PSME1: variants seen among roughly 807,000 people sequenced by gnomAD.
The protein encoded by PSME1 is proteasome activator subunit 1.
PSME1 carries 15 observed loss-of-function variants against 38.4 expected under a neutral mutation model. That is an observed-to-expected ratio of 0.39 (90% CI 0.26 to 0.60). The LOEUF (loss-of-function observed/expected upper bound fraction) is 0.60. Among genes scored for constraint, PSME1 ranks in the 20% least tolerant of loss-of-function variants. The pLI, the probability that PSME1 is intolerant of heterozygous loss-of-function variation, is 0.53. For synonymous variants in PSME1, 106 were observed against 106.8 expected, an observed-to-expected ratio of 0.99 and a Z score of 0.05; for missense variants, 249 against 305.6, an observed-to-expected ratio of 0.81 and a Z score of 1.38.
At chr14:24,137,965 G>A in intron 6 of PSME1, 84 bp from the exon 7 acceptor site, 2 of 1,538,892 alleles carry the variant, frequency 1.3e-6, no homozygotes, top group Non-Finnish European at 1.8e-6. Flanking sequence ...CCTCCACCCA[G>A]TGTGGGGAGG....
chr14:24,137,553 G>T lies in PSME1; in HGVS notation c.280G>T (p.Asp94Tyr). Residue 94 changes from aspartate (D) to tyrosine (Y), a missense_variant, in exon 5 of 11, where the codon GAT (aspartate) becomes TAT (tyrosine). Asp to Tyr is a radical substitution (Grantham distance 160, BLOSUM62 -3). Coordinates refer to ENST00000206451, the MANE Select transcript of PSME1 (RefSeq NM_006263.4). ...EDKDEKKKGE[D>Y]EDKGPPCGPV... ...CAAGGATGAAAAGAAGAAGGGGGAG[G>T]ATGAAGACAAAGGTACTTGAAACCA... is the stretch of plus-strand genomic sequence containing the variant. 1.2e-6 allele frequency: 2 copies of T among 1,614,164 alleles called. No homozygotes were observed. Among genetic ancestry groups the T allele is most frequent in the Non-Finnish European group, 1.7e-6 (2 of 1,180,034 alleles).
In PSME1 at chr14:24,136,447, G is replaced by A; in HGVS notation, c.39+146G>A. 1 of 765,082 alleles carries A rather than the reference G, an allele frequency of 1.3e-6. No individual in the cohort carries two copies. The highest frequency in any genetic ancestry group is 1.9e-6 in the Non-Finnish European group (1 of 525,510). 47.4% of individuals were successfully genotyped at this position (765,082 alleles called of 1,614,324 possible). Reference sequence around the variant, plus strand: ...GCCCGGAGCACCTGCGCCCCGGGGAGGGCGGCGACTGCTGCCTGCGGGGAG... The same window carrying A: ...GCCCGGAGCACCTGCGCCCCGGGGAAGGCGGCGACTGCTGCCTGCGGGGAG... On this transcript the variant is annotated intron_variant, in intron 1 of 10. Coordinates refer to ENST00000206451, the MANE Select transcript of PSME1 (RefSeq NM_006263.4). The surrounding 1 kb of genome is among the most constrained non-coding windows in gnomAD (Gnocchi z 4.8).
rs777160402 is a variant in PSME1 at position 24,137,673 on chromosome 14, G to A, written c.293-27G>A. ...TCGCCCCTCACACAGGCTCAATCAT[G>A]TGACTGACCCATTGCTCACTCTCTA... On this transcript the variant is annotated intron_variant, in intron 5 of 10. Transcript: ENST00000206451. 3 of 1,610,474 alleles carry A rather than the reference G, an allele frequency of 1.9e-6. No homozygotes were observed. In the Admixed American group the frequency reaches 5.0e-5, roughly 27 times the overall value.
intron 7 of PSME1, 36 bp from the exon 8 acceptor site, chr14:24,138,160 C>T (rs2037947360): frequency 1.9e-6 from 3 of 1,608,606 alleles, no homozygotes; most frequent in Admixed American, 1.7e-5. Flanking sequence ...CTAGTCCATG[C>T]TTCCTTCCAC....
chr14:24,137,823 G>A (rs575164859), intron 6 of PSME1, 26 bp downstream of exon 6: 1 of 1,606,382 alleles, frequency 6.2e-7, no homozygotes, highest in South Asian at 1.1e-5. Flanking sequence ...TAAACTCTCA[G>A]GCTTCAAGTC....
In PSME1 at chr14:24,137,334, A is replaced by G. The variant is rs117249501; in HGVS notation, c.149A>G (p.Asn50Ser). The G allele has an allele frequency of 2.1e-3, 3,353 of 1,614,064 alleles. 5 individuals carry two copies. The highest frequency in any genetic ancestry group is 3.3e-3 in the Middle Eastern group (20 of 6,062). Residue 50 changes from asparagine (N) to serine (S), a missense_variant, in exon 4 of 11, where the codon AAT becomes AGT. Asn to Ser is a conservative substitution (Grantham distance 46). Transcript: ENST00000206451. The stretch of plus-strand genomic sequence containing the variant: ...ACCCTACACCAGGAGCCAGCTCTCA[A>G]TGAAGCCAACTTGAGCAATCTGAAG... ...LDAFLKEPAL[N>S]EANLSNLKAP...
At position 24,138,737 on chromosome 14, in the gene PSME1, C is replaced by G; in HGVS notation, c.671C>G (p.Ala224Gly). The change falls in exon 11 of 11, where the codon GCT (alanine) becomes GGT (glycine). Residue 224 changes from alanine to glycine, a missense_variant and splice_region_variant. By Grantham distance (60) the Ala-to-Gly change is moderately conservative (BLOSUM62 0). Transcript: ENST00000206451. ...GACCTCTACTCCCTGGCCCTGTAGGCTGTGTTATATGACATCATCCTGAAG... is the reference window on the plus strand; with the variant it reads ...GACCTCTACTCCCTGGCCCTGTAGGGTGTGTTATATGACATCATCCTGAAG... ...LMVMEIRNAY[A>G]VLYDIILKNF... is the part of the protein sequence containing the mutation. 3.1e-6 allele frequency: 5 copies of G among 1,614,132 alleles called. No homozygotes were observed. The highest frequency in any genetic ancestry group is 4.2e-6 in the Non-Finnish European group (5 of 1,180,008).
chr14:24,137,315 C>A lies in PSME1; in HGVS notation c.136-6C>A. The A allele has an allele frequency of 6.2e-7, 1 of 1,613,898 alleles. No individual in the cohort carries two copies. The highest frequency in any genetic ancestry group is 1.1e-5 in the South Asian group (1 of 91,070). ...CACCTCCAGCCCTCCTCCCACCCTA[C>A]ACCAGGAGCCAGCTCTCAATGAAGC... On this transcript the variant is annotated splice_region_variant and splice_polypyrimidine_tract_variant and intron_variant, in intron 3 of 10. Transcript: ENST00000206451.
intron 6 of PSME1, 21 bp downstream of exon 6, chr14:24,137,818 T>C: frequency 6.2e-7 from 1 of 1,608,428 alleles, no homozygotes; most frequent in Non-Finnish European, 8.5e-7. Flanking sequence ...CCCCTTAAAC[T>C]CTCAGGCTTC....
Position 24,137,315 on chromosome 14 carries a change from C to T in PSME1, c.136-6C>T. 6.2e-7 allele frequency: 1 copy of T among 1,613,898 alleles called. No homozygotes were observed. Among genetic ancestry groups the T allele is most frequent in the South Asian group, 1.1e-5 (1 of 91,070 alleles). On this transcript the variant is annotated splice_region_variant and splice_polypyrimidine_tract_variant and intron_variant, in intron 3 of 10. Coordinates refer to ENST00000206451, the MANE Select transcript of PSME1 (RefSeq NM_006263.4). ...CACCTCCAGCCCTCCTCCCACCCTA[C>T]ACCAGGAGCCAGCTCTCAATGAAGC...
At position 24,137,172 on chromosome 14, in the gene PSME1, C is replaced by G; in HGVS notation, c.102C>G (p.Pro34=). The change falls in exon 3 of 11, where the codon CCC becomes CCG. Residue 34 remains proline (P), a synonymous_variant. Coordinates refer to ENST00000206451, the MANE Select transcript of PSME1 (RefSeq NM_006263.4). The part of the protein sequence containing the change: ...KTENLLGSYF[P]KKISELDAFL... ...AGAACCTGCTCGGGAGCTATTTCCCCAAGAAGATTTCTGAGCTGGATGCAT... is the reference window on the plus strand; with the variant it reads ...AGAACCTGCTCGGGAGCTATTTCCCGAAGAAGATTTCTGAGCTGGATGCAT... 6.2e-7 allele frequency: 1 copy of G among 1,614,194 alleles called. No homozygotes were observed. The highest frequency in any genetic ancestry group is 8.5e-7 in the Non-Finnish European group (1 of 1,180,034).
In PSME1 at chr14:24,137,151, C is replaced by A; in HGVS notation, c.81C>A (p.Asn27Lys). The A allele has an allele frequency of 6.2e-7, 1 of 1,614,180 alleles. No homozygotes were observed. The highest frequency in any genetic ancestry group is 8.5e-7 in the Non-Finnish European group (1 of 1,180,010). ...CCCCACCTCACACACAGACAGAGAACCTGCTCGGGAGCTATTTCCCCAAGA... is the reference window on the plus strand; with the variant it reads ...CCCCACCTCACACACAGACAGAGAAACTGCTCGGGAGCTATTTCCCCAAGA... Reference protein sequence around the residue: ...FREDLCTKTENLLGSYFPKKI... With the variant: ...FREDLCTKTEKLLGSYFPKKI... Residue 27 changes from asparagine to lysine, a missense_variant, in exon 3 of 11, where the codon AAC becomes AAA. Physicochemically the swap from Asn to Lys is moderately conservative, Grantham distance 94 (BLOSUM62 0). Transcript: ENST00000206451.
At position 24,138,278 on chromosome 14, in the gene PSME1, A is replaced by T; in HGVS notation, c.527+15A>T. 6.2e-7 allele frequency: 1 copy of T among 1,613,680 alleles called. No homozygotes were observed. The highest frequency in any genetic ancestry group is 8.5e-7 in the Non-Finnish European group (1 of 1,179,638). On this transcript the variant is annotated intron_variant, in intron 8 of 10. Transcript: ENST00000206451. ...CAAATCTCTAAGTGAGTGACCACCCATGTGCACACTGTTTTTGTTTTGGGA... is the reference window on the plus strand; with the variant it reads ...CAAATCTCTAAGTGAGTGACCACCCTTGTGCACACTGTTTTTGTTTTGGGA...
rs2037908097 is a variant in PSME1, at chr14:24,136,710, G to T, written c.40-275G>T. Among the ~76,000 whole-genome samples the T allele has an allele frequency of 6.6e-6, 1 of 151,782 alleles. No individual in the cohort carries two copies. Among genetic ancestry groups the T allele is most frequent in the African/African-American group, 2.4e-5 (1 of 41,308 alleles). On this transcript the variant is annotated intron_variant, in intron 1 of 10. Coordinates refer to ENST00000206451, the MANE Select transcript of PSME1 (RefSeq NM_006263.4). This position sits in a 1 kb window ranked among gnomAD's most constrained non-coding sequence, Gnocchi z 4.8. ...CGACCCCAGAGATCTGTTCTCACGT[G>T]AACACTGGCCCTTCACCGCCAGGAA...
rs537153979 is a variant in PSME1 at position 24,136,925 on chromosome 14, C to T, written c.40-60C>T. On this transcript the variant is annotated intron_variant, in intron 1 of 10. Coordinates refer to ENST00000206451, the MANE Select transcript of PSME1 (RefSeq NM_006263.4). The surrounding 1 kb of genome is among the most constrained non-coding windows in gnomAD (Gnocchi z 4.8). ...CAGGCCCTACATAACCCTAAGGGAA[C>T]TGTCCTCAAATGAACTGGCCTTAAA... 18 of 1,606,212 alleles carry T rather than the reference C, an allele frequency of 1.1e-5. No homozygotes were observed. In the East Asian group the frequency reaches 3.6e-4, roughly 32 times the overall value.
Position 24,137,693 on chromosome 14 carries a change from T to C in PSME1, c.293-7T>C. The C allele has an allele frequency of 6.2e-7, 1 of 1,613,876 alleles. No individual in the cohort carries two copies. The highest frequency in any genetic ancestry group is 8.5e-7 in the Non-Finnish European group (1 of 1,179,748). On this transcript the variant is annotated splice_polypyrimidine_tract_variant and splice_region_variant and intron_variant, in intron 5 of 10. Coordinates refer to ENST00000206451, the MANE Select transcript of PSME1 (RefSeq NM_006263.4). ...ATCATGTGACTGACCCATTGCTCAC[T>C]CTCTAGGTCCTCCCTGTGGCCCAGT...
intron 7 of PSME1, 38 bp from the exon 8 acceptor site, chr14:24,138,158 T>C (rs2037947297): frequency 6.2e-7 from 1 of 1,614,088 alleles, no homozygotes; most frequent in East Asian, 2.2e-5. Context: ...TTCTAGTCCA[T>C]GCTTCCTTCC....
At chr14:24,138,439 C>T (rs1348858299) in intron 9 of PSME1, 35 bp from the exon 10 acceptor site, 11 of 1,614,160 alleles carry the variant, frequency 6.8e-6, no homozygotes, top group Non-Finnish European at 9.3e-6. Flanking sequence ...GGGAAGGACA[C>T]ATGTAAGGTC....
Position 24,138,494 on chromosome 14 carries a change from G to A in PSME1, c.603G>A (p.Val201=). 2.5e-6 allele frequency: 4 copies of A among 1,614,008 alleles called. No individual in the cohort carries two copies. Among genetic ancestry groups the A allele is most frequent in the Non-Finnish European group, 3.4e-6 (4 of 1,180,042 alleles). Residue 201 remains valine (V), a synonymous_variant, in exon 10 of 11, where the codon GTG becomes GTA. Coordinates refer to ENST00000206451, the MANE Select transcript of PSME1 (RefSeq NM_006263.4). ...CACAGGGTGATTATCGGCAGCTGGT[G>A]CACGAGCTGGATGAGGCAGAGTACC... ...QPHVGDYRQL[V]HELDEAEYRD...
Sources: allele counts gnomAD v4.1 joint callset (sites outside exome capture counted in the v4.1 genomes callset), GRCh38; gene constraint gnomAD v4.1.1; non-coding constraint Gnocchi (gnomAD v3.1); transcripts MANE v1.5; gene names NCBI Gene and HGNC (gene_info 2026-07-23, HGNC 2026-07-21).